ST6GALNAC5: variants seen among roughly 807,000 people sequenced by gnomAD.
ST6GALNAC5 encodes ST6 N-acetylgalactosaminide alpha-2,6-sialyltransferase 5.
A neutral mutation model predicts 33.6 loss-of-function variants in ST6GALNAC5; 27 were observed. The observed-to-expected ratio is 0.80, with a 90% CI of 0.59 to 1.11. The LOEUF (loss-of-function observed/expected upper bound fraction) is 1.11, where lower values mean the gene tolerates loss of function less well. Among genes scored for constraint, ST6GALNAC5 ranks in the 50% least tolerant of loss-of-function variants. The pLI is 0.00. For missense variants in ST6GALNAC5, 428 were observed against 454.0 expected (o/e 0.94, Z 0.52); for synonymous variants, 194 against 171.2 (o/e 1.13, Z -1.04).
intron 2 of ST6GALNAC5, among the ~76,000 whole-genome samples, chr1:76,926,767 C>T (rs757224495): frequency 5.9e-5 from 9 of 152,024 alleles, no homozygotes; most frequent in East Asian, 1.9e-4. Flanking sequence ...GTTGTGAGGA[C>T]GTATGCTGTC....
intron 2 of ST6GALNAC5, among the ~76,000 whole-genome samples, chr1:76,919,524 C>T (rs1024817589): frequency 2.6e-5 from 4 of 152,100 alleles, no homozygotes; most frequent in Admixed American, 6.6e-5. Flanking sequence ...GGACAAGGTG[C>T]CTTTCCTCTG....
At chr1:77,002,131 T>A (rs1650195754) in intron 2 of ST6GALNAC5, among the ~76,000 whole-genome samples, 1 of 152,148 alleles carries the variant, frequency 6.6e-6, no homozygotes, top group East Asian at 1.9e-4. Context: ...GGACTCTTTT[T>A]GGTTGGTAAA....
chr1:76,984,337 C>T (rs1345665037), intron 2 of ST6GALNAC5, among the ~76,000 whole-genome samples: 2 of 152,064 alleles, frequency 1.3e-5, no homozygotes, highest in Non-Finnish European at 2.9e-5. Flanking sequence ...GTGGATATCA[C>T]CATCGATCCC....
intron 2 of ST6GALNAC5, among the ~76,000 whole-genome samples, chr1:76,931,187 C>A (rs1480942308): frequency 6.6e-6 from 1 of 152,050 alleles, no homozygotes; most frequent in Non-Finnish European, 1.5e-5. Context: ...CAACAGCCAA[C>A]AAAACACTGC....
chr1:76,944,572 G>A (rs545442623), intron 2 of ST6GALNAC5, among the ~76,000 whole-genome samples: 2 of 152,032 alleles, frequency 1.3e-5, no homozygotes, highest in Non-Finnish European at 2.9e-5. Flanking sequence ...CCCAGTGCTG[G>A]TATGTACTCT....
At chr1:76,998,311 G>A (rs528726035) in intron 2 of ST6GALNAC5, among the ~76,000 whole-genome samples, 6 of 152,178 alleles carry the variant, frequency 3.9e-5, no homozygotes, top group East Asian at 1.9e-4. Flanking sequence ...CAGGAGGATC[G>A]CTTGAGCCCA....
At chr1:76,948,520 G>GA (rs961679426) in intron 2 of ST6GALNAC5, among the ~76,000 whole-genome samples, 32 of 150,792 alleles carry the variant, frequency 2.1e-4, no homozygotes, top group African/African-American at 7.1e-4. Context: ...TGGAATTCCA[G>GA]AATGGAATTC....
intron 2 of ST6GALNAC5, chr1:76,995,649 T>C (rs1649903046): frequency 6.6e-6 from 1 of 151,930 alleles, no homozygotes; most frequent in African/African-American, 2.4e-5. Context: ...TGTGTAACAT[T>C]TCTATGTATT....
chr1:77,006,620 C>A (rs1650430514), intron 2 of ST6GALNAC5, among the ~76,000 whole-genome samples: 1 of 152,092 alleles, frequency 6.6e-6, no homozygotes, highest in African/African-American at 2.4e-5. Context: ...CCATGCCAGG[C>A]CAGAATGTAT....
intron 2 of ST6GALNAC5, among the ~76,000 whole-genome samples, chr1:77,037,478 T>A (rs1238280412): frequency 6.6e-6 from 1 of 152,174 alleles, no homozygotes; most frequent in African/African-American, 2.4e-5. Flanking sequence ...GGATCATTCA[T>A]GCCTCAAAAC....
At chr1:76,933,163 A>G (rs1647161948) in intron 2 of ST6GALNAC5, among the ~76,000 whole-genome samples, 1 of 152,084 alleles carries the variant, frequency 6.6e-6, no homozygotes, top group African/African-American at 2.4e-5. Flanking sequence ...TTTTGTGTCT[A>G]GGGAAATGGT....
intron 2 of ST6GALNAC5, among the ~76,000 whole-genome samples, chr1:76,899,217 T>C (rs1470093505): frequency 6.6e-6 from 1 of 151,940 alleles, no homozygotes; most frequent in Non-Finnish European, 1.5e-5. Context: ...TTTAAGTTCT[T>C]AAGAACACAG....
intron 2 of ST6GALNAC5, among the ~76,000 whole-genome samples, chr1:76,947,877 G>C (rs749774533): frequency 6.6e-6 from 1 of 152,050 alleles, no homozygotes; most frequent in South Asian, 2.1e-4. Context: ...AAAGATAGCC[G>C]GAGAGGATTG....
Position 77,065,262 on chromosome 1 carries a change from G to A in ST6GALNAC5, c.*2056G>A, listed in dbSNP as rs992739901. The A allele has an allele frequency of 2.6e-5, 4 of 152,074 alleles. No homozygotes were observed. The highest frequency in any genetic ancestry group is 4.8e-5 in the African/African-American group (2 of 41,392). 9.4% of individuals were successfully genotyped at this position (152,074 alleles called of 1,614,324 possible). A position where few individuals can be genotyped will look rare whatever the true frequency, so the allele number is the denominator to read the frequency against. On this transcript the variant is annotated 3_prime_UTR_variant, in exon 5 of 5. Transcript: ENST00000477717. ...GCAATTTCTATATTTGTGGAAATTTGGAAAGGCATAGTTTCAACATGCAAG... is the reference window on the plus strand; with the variant it reads ...GCAATTTCTATATTTGTGGAAATTTAGAAAGGCATAGTTTCAACATGCAAG...
At chr1:76,919,182 C>T (rs746680202) in intron 2 of ST6GALNAC5, among the ~76,000 whole-genome samples, 2 of 152,070 alleles carry the variant, frequency 1.3e-5, no homozygotes, top group Non-Finnish European at 2.9e-5. Flanking sequence ...TAAACGTGCC[C>T]TCCCAACTTA....
intron 2 of ST6GALNAC5, among the ~76,000 whole-genome samples, chr1:76,886,564 A>G (rs1479196760): frequency 6.6e-6 from 1 of 152,184 alleles, no homozygotes; most frequent in African/African-American, 2.4e-5. Flanking sequence ...ACTCCTTGCC[A>G]ACAAGCTCTT....
At chr1:76,916,919 A>C (rs1301666830) in intron 2 of ST6GALNAC5, among the ~76,000 whole-genome samples, 1 of 152,212 alleles carries the variant, frequency 6.6e-6, no homozygotes, top group East Asian at 1.9e-4. Flanking sequence ...GCCACTAAAA[A>C]TTGAGTATAA....
Position 76,868,759 on chromosome 1 carries a change from C to T in ST6GALNAC5, c.261+17C>T. The T allele has an allele frequency of 6.8e-7, 1 of 1,475,164 alleles. No individual in the cohort carries two copies. The allele number at this position is 1,475,164 out of a possible 1,614,324, so 91.4% of individuals were successfully genotyped here. A position where few individuals can be genotyped will look rare whatever the true frequency, so the allele number is the denominator to read the frequency against. On this transcript the variant is annotated intron_variant, in intron 2 of 4. Transcript: ENST00000477717. The surrounding 1 kb of genome is among the most constrained non-coding windows in gnomAD (Gnocchi z 4.3). ...GACCACAAGGTGACAGCATGCCCGC[C>T]AGCCCGCTCGCCACTCAGCCTGGGG...
At chr1:77,004,165 A>G (rs979337217) in intron 2 of ST6GALNAC5, among the ~76,000 whole-genome samples, 35 of 151,902 alleles carry the variant, frequency 2.3e-4, no homozygotes, top group African/African-American at 7.5e-4. Context: ...ACATAGTCCC[A>G]TATTTCTTGG....
Sources: gnomAD v4.1 joint callset for allele counts (sites outside exome capture counted in the v4.1 genomes callset) on GRCh38, gnomAD v4.1.1 for gene constraint, Gnocchi (gnomAD v3.1) non-coding constraint, MANE v1.5 for transcripts, NCBI Gene and HGNC (gene_info 2026-07-23, HGNC 2026-07-21) for gene names.